Variants in FSD1L observed in about 807,000 individuals in gnomAD.
FSD1L encodes fibronectin type III and SPRY domain containing 1 like, also known as FSD1-like protein.
Under a neutral mutation model 71.6 loss-of-function variants are expected in FSD1L, and 45 were observed. The observed-to-expected ratio is 0.63, with a 90% confidence interval of 0.49 to 0.81. FSD1L has a LOEUF of 0.81. Among genes scored for constraint, FSD1L ranks in the 30% least tolerant of loss-of-function variants. The probability of loss-of-function intolerance (pLI) is 0.00; values close to 1 mark genes in which losing one functional copy is unlikely to be tolerated. For synonymous variants in FSD1L, 197 were observed against 207.2 expected, an observed-to-expected ratio of 0.95 and a Z score of 0.42; for missense variants, 561 against 618.1, an observed-to-expected ratio of 0.91 and a Z score of 0.98.
Position 105,534,505 on chromosome 9 carries a change from A to G in FSD1L, c.1038A>G (p.Pro346=), listed in dbSNP as rs142394059. The change falls in exon 11 of 14, where the codon CCA becomes CCG. Residue 346 remains proline (P), a synonymous_variant. Transcript: ENST00000481272. ...GKENKGRSGT[P]SPKRTSVGSR... is the part of the protein sequence containing the mutation. ...TTTGTTTATATAGAAGTGGTACACC[A>G]TCCCCAAAACGAACATCTGTAGGCT... The G allele has an allele frequency of 3.3e-4, 504 of 1,543,984 alleles. 2 individuals are homozygous for G. In the East Asian group the frequency reaches 0.012, roughly 35 times the overall value.
Position 105,506,416 on chromosome 9 carries a change from A to G in FSD1L, c.604A>G (p.Ile202Val), listed in dbSNP as rs1273912997. Residue 202 changes from isoleucine to valine, a missense_variant, in exon 8 of 14, where the codon ATA becomes GTA. This residue lies in a region of FSD1L where 410 missense variants were observed against 413.5 expected (regional missense o/e 0.99). Coordinates refer to ENST00000481272, the MANE Select transcript of FSD1L (RefSeq NM_001145313.3). ...KFLPVPKAPE[I>V]DPVECLVADN... ...CTTTGCAGTCCCCAAAGCTCCAGAGATAGATCCAGTAGAGTGTTTGGTGGC... is the reference window on the plus strand; with the variant it reads ...CTTTGCAGTCCCCAAAGCTCCAGAGGTAGATCCAGTAGAGTGTTTGGTGGC... The G allele has an allele frequency of 5.8e-6, 9 of 1,551,074 alleles. No homozygotes were observed. In the Admixed American group the frequency reaches 1.8e-4, roughly 30 times the overall value.
chr9:105,468,423 C>T (rs1280431925), intron 4 of FSD1L, 99 bp downstream of exon 4: 13 of 884,014 alleles, frequency 1.5e-5, no homozygotes, highest in African/African-American at 3.6e-5. Context: ...ATAACTATAC[C>T]CTTACCTCGT....
intron 1 of FSD1L, among the ~76,000 whole-genome samples, chr9:105,457,589 A>G (rs1473729337): frequency 6.6e-6 from 1 of 152,250 alleles, no homozygotes; most frequent in East Asian, 1.9e-4. Context: ...GTCACAGGAT[A>G]CTTTGGATGT....
In FSD1L at chr9:105,546,805, C is replaced by CCCTAAG. The variant is rs1564160171; in HGVS notation, c.*323_*328dup. ...TCTAATGTTTAATTACATATGGTAACCCTAAGGCCTGGGGAGAAAAGCTTT... is the reference window on the plus strand; with the variant it reads ...TCTAATGTTTAATTACATATGGTAACCCTAAGCCTAAGGCCTGGGGAGAAAAGCTTT... On this transcript the variant is annotated 3_prime_UTR_variant, in exon 14 of 14. Coordinates refer to ENST00000481272, the MANE Select transcript of FSD1L (RefSeq NM_001145313.3). 6.1e-6 allele frequency: 1 copy of CCCTAAG among 163,220 alleles called. No homozygotes were observed. The highest frequency in any genetic ancestry group is 1.3e-5 in the Non-Finnish European group (1 of 75,736). The allele number at this position is 163,220 out of a possible 1,614,324, so 10.1% of individuals were successfully genotyped here. A position where few individuals can be genotyped will look rare whatever the true frequency, so the allele number is the denominator to read the frequency against.
chr9:105,472,231 TTCTG>T (rs1831524591), intron 5 of FSD1L: 2 of 451,382 alleles, frequency 4.4e-6, no homozygotes, highest in Admixed American at 4.5e-5. Flanking sequence ...GTTTCTGTGT[TTCTG>T]TCTATGAGCT....
intron 10 of FSD1L, among the ~76,000 whole-genome samples, chr9:105,515,742 C>G (rs1834674974): frequency 6.6e-6 from 1 of 151,366 alleles, no homozygotes; most frequent in South Asian, 2.1e-4. Flanking sequence ...GTTTCAGGCA[C>G]AAAACTGGGT....
At chr9:105,475,133 G>C (rs1831711143) in intron 5 of FSD1L, among the ~76,000 whole-genome samples, 1 of 152,142 alleles carries the variant, frequency 6.6e-6, no homozygotes, top group African/African-American at 2.4e-5. Flanking sequence ...TTCCCACCCT[G>C]ACTTTAGACC....
chr9:105,493,210 C>A (rs1228814129), intron 7 of FSD1L, among the ~76,000 whole-genome samples: 6 of 146,298 alleles, frequency 4.1e-5, no homozygotes, highest in Non-Finnish European at 3.0e-5. Flanking sequence ...TATATTTAGG[C>A]TAGTTAGCTC....
chr9:105,481,179 G>GTGTGTGTGTGTGGGT (rs71364100), intron 6 of FSD1L, among the ~76,000 whole-genome samples: 1 of 115,380 alleles, frequency 8.7e-6, no homozygotes, highest in Non-Finnish European at 1.8e-5. Flanking sequence ...GTGTGTGTGT[G>GTGTGTGTGTGTGGGT]GTTCTTTTTT....
chr9:105,520,742 T>C, intron 10 of FSD1L: 2 of 1,613,344 alleles, frequency 1.2e-6, no homozygotes, highest in Non-Finnish European at 1.7e-6. Flanking sequence ...CACCACAGTC[T>C]GAACATGGAC....
chr9:105,468,274 A>G lies in FSD1L; in HGVS notation c.289A>G (p.Met97Val), dbSNP rs1378295029. The change falls in exon 4 of 14, where the codon ATG (methionine) becomes GTG (valine). Residue 97 changes from methionine (M) to valine (V), a missense_variant. Physicochemically the swap from Met to Val is conservative, Grantham distance 21 (BLOSUM62 1). Around this residue, in one of 3 missense-constraint regions of FSD1L, gnomAD observed 410 missense variants for 413.5 expected, o/e 0.99. Coordinates refer to ENST00000481272, the MANE Select transcript of FSD1L (RefSeq NM_001145313.3). ...TATACTGGATGAAGTAAAAGAAAGT[A>G]TGATTAACTGTATCAAGCAGGAACA... ...YSILDEVKES[M>V]INCIKQEQAR... is the part of the protein sequence containing the mutation. 2.0e-6 allele frequency: 3 copies of G among 1,491,448 alleles called. No individual in the cohort carries two copies. Among genetic ancestry groups the G allele is most frequent in the Admixed American group, 2.7e-5 (1 of 36,464 alleles). 92.4% of individuals were successfully genotyped at this position (1,491,448 alleles called of 1,614,324 possible). A position where few individuals can be genotyped will look rare whatever the true frequency, so the allele number is the denominator to read the frequency against.
At chr9:105,522,802 G>C (rs556882242) in intron 10 of FSD1L, 3 of 1,613,366 alleles carry the variant, frequency 1.9e-6, no homozygotes, top group Non-Finnish European at 2.5e-6. Context: ...CTTCGAAGTG[G>C]TAATGCCTCG....
intron 7 of FSD1L, among the ~76,000 whole-genome samples, chr9:105,504,595 G>A (rs553628128): frequency 1.6e-4 from 24 of 152,110 alleles, no homozygotes; most frequent in African/African-American, 5.3e-4. Flanking sequence ...AGTATTTGTG[G>A]GGGACTGGTT....
chr9:105,522,525 G>C, intron 10 of FSD1L: 1 of 1,613,750 alleles, frequency 6.2e-7, no homozygotes, highest in Non-Finnish European at 8.5e-7. Context: ...TGTCGATATT[G>C]ATGATGCTCA....
intron 13 of FSD1L, among the ~76,000 whole-genome samples, chr9:105,544,716 T>A (rs1836861606): frequency 6.6e-6 from 1 of 152,212 alleles, no homozygotes; most frequent in African/African-American, 2.4e-5. Flanking sequence ...TTGTCAGGTT[T>A]GTCAAAGATC....
intron 10 of FSD1L, chr9:105,525,412 A>G (rs1176000196): frequency 1.1e-5 from 17 of 1,606,908 alleles, no homozygotes; most frequent in Admixed American, 1.7e-5. Context: ...AAGTGATGTT[A>G]TTAATGCTAT....
chr9:105,445,616 C>T (rs1829624819), upstream of FSD1L, among the ~76,000 whole-genome samples: 1 of 152,054 alleles, frequency 6.6e-6, no homozygotes, highest in Non-Finnish European at 1.5e-5. Context: ...AGTCGTGGGT[C>T]CCATAGTGGC....
intron 1 of FSD1L, 21 bp downstream of exon 1, chr9:105,448,256 C>T (rs1359095224): frequency 1.0e-5 from 13 of 1,295,606 alleles, no homozygotes; most frequent in East Asian, 5.5e-5. Context: ...GAGGGGAGCC[C>T]GGGGCTACCG....
rs757917424 is a variant in FSD1L, at chr9:105,546,480, A to G, written c.1590A>G (p.Gln530=). ...GCAGCCTGAACAATGTTGTTACTCA[A>G]TAGTGTCTACTCAGAATACGTTTAC... ...SASSLNNVVT[Q] is the part of the protein sequence containing the mutation. Residue 530 remains glutamine, a synonymous_variant, in exon 14 of 14, where the codon CAA becomes CAG. Coordinates refer to ENST00000481272, the MANE Select transcript of FSD1L (RefSeq NM_001145313.3). 1.4e-5 allele frequency: 22 copies of G among 1,544,424 alleles called. No homozygotes were observed. The highest frequency in any genetic ancestry group is 3.6e-5 in the South Asian group (3 of 82,412).
Sources: allele counts gnomAD v4.1 joint callset (sites outside exome capture counted in the v4.1 genomes callset), GRCh38; gene constraint gnomAD v4.1.1; regional missense constraint gnomAD v4.1.1; transcripts MANE v1.5; gene names NCBI Gene and HGNC (gene_info 2026-07-23, HGNC 2026-07-21).